Variants in NAALADL2 observed in about 807,000 individuals in gnomAD.
The protein encoded by NAALADL2 is inactive N-acetylated-alpha-linked acidic dipeptidase-like protein 2.
In NAALADL2, 76 loss-of-function variants were observed where a neutral mutation model predicts 87.2. The observed-to-expected ratio is 0.87, with a 90% CI of 0.72 to 1.05. The LOEUF (loss-of-function observed/expected upper bound fraction) is 1.05, where lower values mean the gene tolerates loss of function less well. Ranked by LOEUF, NAALADL2 falls within the 50% of genes least tolerant of loss-of-function variation. The pLI, the probability that NAALADL2 is intolerant of heterozygous loss-of-function variation, is 0.00. For synonymous variants in NAALADL2, 354 were observed against 331.0 expected (o/e 1.07, Z -0.75); for missense variants, 1,089 against 945.8 (o/e 1.15, Z -1.99).
chr3:174,881,602 G>C (rs1284674313), intron 1 of NAALADL2, among the ~76,000 whole-genome samples: 3 of 152,060 alleles, frequency 2.0e-5, no homozygotes, highest in African/African-American at 7.2e-5. Context: ...TTATTTACTT[G>C]TTTATTATGC....
chr3:175,209,682 C>T (rs1270650782), intron 2 of NAALADL2, among the ~76,000 whole-genome samples: 1 of 151,366 alleles, frequency 6.6e-6, no homozygotes, highest in East Asian at 1.9e-4. Flanking sequence ...TGATATGTTA[C>T]TGACACATGT....
chr3:175,118,231 A>G (rs187273200), intron 2 of NAALADL2, among the ~76,000 whole-genome samples: 2 of 152,038 alleles, frequency 1.3e-5, no homozygotes. Flanking sequence ...CACGTTGTGC[A>G]CATGTACCCT....
intron 4 of NAALADL2, among the ~76,000 whole-genome samples, chr3:175,288,669 T>C (rs942599764): frequency 6.6e-6 from 1 of 152,208 alleles, no homozygotes; most frequent in Non-Finnish European, 1.5e-5. Context: ...CTGAGCCAGT[T>C]GCTTAGAATC....
At chr3:174,553,162 A>C (rs2108495135) in intron 2 of NAALADL2, among the ~76,000 whole-genome samples, 1 of 152,358 alleles carries the variant, frequency 6.6e-6, no homozygotes, top group African/African-American at 2.4e-5. Flanking sequence ...TTGGAAATGC[A>C]AAATTAGCAA....
chr3:175,037,360 C>T (rs2108948831), intron 1 of NAALADL2, among the ~76,000 whole-genome samples: 1 of 152,206 alleles, frequency 6.6e-6, no homozygotes, highest in East Asian at 1.9e-4. Flanking sequence ...AAGAGGGCTT[C>T]ATACCTCAGG....
At chr3:174,921,832 A>AAAAAAAAAAAAC (rs1735264052) in intron 1 of NAALADL2, among the ~76,000 whole-genome samples, 1 of 121,548 alleles carries the variant, frequency 8.2e-6, no homozygotes, top group African/African-American at 3.6e-5. Context: ...GAAAAAGAAA[A>AAAAAAAAAAAAC]AGAAAAGAAA....
intron 1 of NAALADL2, among the ~76,000 whole-genome samples, chr3:175,024,710 ATTATC>A (rs1751997748): frequency 6.8e-6 from 1 of 146,798 alleles, no homozygotes; most frequent in Non-Finnish European, 1.5e-5. Flanking sequence ...AAGAGCAGTA[ATTATC>A]TTATTTTTTT....
intron 1 of NAALADL2, among the ~76,000 whole-genome samples, chr3:174,909,721 G>T (rs890125059): frequency 1.3e-5 from 2 of 152,050 alleles, no homozygotes; most frequent in African/African-American, 4.8e-5. Context: ...GTTTCTTCAT[G>T]TATAAAACGA....
At chr3:175,231,493 C>T (rs562750339) in intron 2 of NAALADL2, among the ~76,000 whole-genome samples, 3 of 152,066 alleles carry the variant, frequency 2.0e-5, no homozygotes, top group Admixed American at 1.3e-4. Flanking sequence ...TTTAGAAATC[C>T]TCCACAATTG....
At chr3:175,439,977 A>C (rs1215145427) in intron 5 of NAALADL2, among the ~76,000 whole-genome samples, 2 of 152,062 alleles carry the variant, frequency 1.3e-5, no homozygotes, top group Non-Finnish European at 2.9e-5. Context: ...AGTGTCTAGA[A>C]GGGTTTTTTC....
At chr3:174,665,278 G>A (rs1725860315) in intron 2 of NAALADL2, among the ~76,000 whole-genome samples, 1 of 152,086 alleles carries the variant, frequency 6.6e-6, no homozygotes, top group Non-Finnish European at 1.5e-5. Flanking sequence ...AGAAATCCTA[G>A]ATTTCTAACG....
chr3:175,485,391 A>G (rs963664750), intron 9 of NAALADL2, among the ~76,000 whole-genome samples: 1 of 152,154 alleles, frequency 6.6e-6, no homozygotes, highest in African/African-American at 2.4e-5. Flanking sequence ...GAATTCACTC[A>G]CACGATCACA....
chr3:174,860,379 AT>A (rs1251538160), intron 1 of NAALADL2, among the ~76,000 whole-genome samples: 4 of 152,092 alleles, frequency 2.6e-5, no homozygotes, highest in Admixed American at 6.6e-5. Flanking sequence ...ACTATAAAGC[AT>A]TTTTAATTTA....
intron 11 of NAALADL2, among the ~76,000 whole-genome samples, chr3:175,730,592 T>C (rs1453296884): frequency 6.6e-6 from 1 of 151,226 alleles, no homozygotes; most frequent in African/African-American, 2.4e-5. Flanking sequence ...TTTTATCTTT[T>C]GACAATCTGA....
At position 174,904,809 on chromosome 3, in the gene NAALADL2, C is replaced by T. The variant is rs2108273277; in HGVS notation, c.43+45359C>T. Among the ~76,000 whole-genome samples the T allele has an allele frequency of 2.0e-5, 3 of 151,886 alleles. 1 individual carries two copies. Among genetic ancestry groups the T allele is most frequent in the Middle Eastern group, 6.8e-3 (2 of 294 alleles). On this transcript the variant is annotated intron_variant, in intron 1 of 13. Transcript: ENST00000454872. Reference sequence around the variant, plus strand: ...CTCAACTTGTGAAATAGTTACATCACCAATTTTGATGCTCGGTATGTTTTC... The same window carrying T: ...CTCAACTTGTGAAATAGTTACATCATCAATTTTGATGCTCGGTATGTTTTC...
At position 175,463,392 on chromosome 3, in the gene NAALADL2, T is replaced by G. The variant is rs1412016308; in HGVS notation, c.1235-9T>G. On this transcript the variant is annotated splice_polypyrimidine_tract_variant and intron_variant, in intron 6 of 13. Transcript: ENST00000454872. ...AGAAGCAAAAGTCTTTAAATTTTTA[T>G]TTTTTCAGAAATAAGAGTCGTCAGC... 1 of 1,520,608 alleles carries G rather than the reference T, an allele frequency of 6.6e-7. No homozygotes were observed. Among genetic ancestry groups the G allele is most frequent in the Non-Finnish European group, 8.9e-7 (1 of 1,128,282 alleles). The allele number at this position is 1,520,608 out of a possible 1,614,324, so 94.2% of individuals were successfully genotyped here. A position where few individuals can be genotyped will look rare whatever the true frequency, so the allele number is the denominator to read the frequency against.
chr3:175,182,384 G>GT (rs959929016), intron 2 of NAALADL2, among the ~76,000 whole-genome samples: 2 of 151,226 alleles, frequency 1.3e-5, no homozygotes, highest in Non-Finnish European at 3.0e-5. Context: ...GTGCAAAACT[G>GT]TTTTTTGTTT....
chr3:175,036,614 T>TG (rs1434188879), intron 1 of NAALADL2, among the ~76,000 whole-genome samples: 6 of 152,042 alleles, frequency 3.9e-5, no homozygotes, highest in African/African-American at 1.4e-4. Flanking sequence ...TTAGCCAGGA[T>TG]GGTCTCGATC....
chr3:175,312,503 A>G (rs2110315039), intron 4 of NAALADL2, among the ~76,000 whole-genome samples: 1 of 151,974 alleles, frequency 6.6e-6, no homozygotes, highest in African/African-American at 2.4e-5. Flanking sequence ...TATTGATTTC[A>G]GTGTCTTCTT....
Sources: allele counts gnomAD v4.1 joint callset (sites outside exome capture counted in the v4.1 genomes callset), GRCh38; gene constraint gnomAD v4.1.1; transcripts MANE v1.5; gene names NCBI Gene and HGNC (gene_info 2026-07-23, HGNC 2026-07-21).